Variants in ATAD1 observed in about 807,000 individuals in gnomAD.
The protein encoded by ATAD1 is outer mitochondrial transmembrane helix translocase.
A neutral mutation model predicts 42.7 loss-of-function variants in ATAD1; 18 were observed. The observed-to-expected ratio is 0.42, with a 90% confidence interval of 0.29 to 0.63. The LOEUF is 0.63. ATAD1 is among the 20% of genes least tolerant of loss of function. The probability of loss-of-function intolerance (pLI) is 0.19; values close to 1 mark genes in which losing one functional copy is unlikely to be tolerated. For synonymous variants in ATAD1, 132 were observed against 143.1 expected (o/e 0.92, Z 0.55); for missense variants, 294 against 440.4 (o/e 0.67, Z 2.98).
intron 2 of ATAD1, among the ~76,000 whole-genome samples, chr10:87,803,834 T>C (rs1431109870): frequency 6.6e-6 from 1 of 152,056 alleles, no homozygotes; most frequent in Non-Finnish European, 1.5e-5. Flanking sequence ...TAGAAAACAA[T>C]ACTGCAGAGT....
At chr10:87,813,091 A>T (rs1857258506) in intron 2 of ATAD1, among the ~76,000 whole-genome samples, 1 of 152,238 alleles carries the variant, frequency 6.6e-6, no homozygotes, top group East Asian at 1.9e-4. Context: ...TATACACATA[A>T]TTTTCAATGA....
At chr10:87,826,497 T>C (rs1219910299) in intron 1 of ATAD1, among the ~76,000 whole-genome samples, 1 of 152,234 alleles carries the variant, frequency 6.6e-6, no homozygotes, top group Non-Finnish European at 1.5e-5. Context: ...TCCCCAATCA[T>C]GTTTTCTTCT....
chr10:87,815,178 T>C (rs1589560844), intron 1 of ATAD1, among the ~76,000 whole-genome samples: 1 of 152,102 alleles, frequency 6.6e-6, no homozygotes. Flanking sequence ...TGAGCCACAC[T>C]ATTGTTCCCA....
At chr10:87,758,310 G>A (rs1270850306) in intron 8 of ATAD1, among the ~76,000 whole-genome samples, 1 of 152,078 alleles carries the variant, frequency 6.6e-6, no homozygotes. Context: ...AAGGAAGAAA[G>A]AGAATGTGTA....
chr10:87,816,678 AC>A (rs1041302466), intron 1 of ATAD1, among the ~76,000 whole-genome samples: 1 of 152,184 alleles, frequency 6.6e-6, no homozygotes, highest in South Asian at 2.1e-4. Context: ...TCCAAAAAAA[AC>A]GGGTTACACA....
chr10:87,777,408 A>G (rs1227583948), intron 5 of ATAD1, among the ~76,000 whole-genome samples: 1 of 152,212 alleles, frequency 6.6e-6, no homozygotes, highest in Admixed American at 6.5e-5. Flanking sequence ...TTTTATGGAA[A>G]TATACCAAAA....
chr10:87,756,532 T>G (rs985638493), intron 9 of ATAD1, among the ~76,000 whole-genome samples: 5 of 152,224 alleles, frequency 3.3e-5, no homozygotes, highest in Non-Finnish European at 7.3e-5. Flanking sequence ...CATTTACATG[T>G]GAAATTTCCA....
At chr10:87,807,896 G>GA (rs1469340000) in intron 2 of ATAD1, among the ~76,000 whole-genome samples, 4 of 151,988 alleles carry the variant, frequency 2.6e-5, no homozygotes, top group African/African-American at 7.2e-5. Flanking sequence ...TGAATTTCAG[G>GA]AAAAAATACA....
intron 5 of ATAD1, among the ~76,000 whole-genome samples, chr10:87,780,185 T>G (rs2131859804): frequency 6.6e-6 from 1 of 152,266 alleles, no homozygotes; most frequent in Middle Eastern, 3.4e-3. Context: ...AAATGCATAT[T>G]GCTAAGGGAA....
chr10:87,798,768 T>G (rs771144626), intron 2 of ATAD1, among the ~76,000 whole-genome samples: 9 of 152,132 alleles, frequency 5.9e-5, no homozygotes. Flanking sequence ...ATGGTGTAAA[T>G]TTGGCTATCT....
intron 1 of ATAD1, among the ~76,000 whole-genome samples, chr10:87,833,889 T>G (rs1013718053): frequency 2.6e-5 from 4 of 152,138 alleles, no homozygotes; most frequent in Non-Finnish European, 4.4e-5. Context: ...CACACCCGGC[T>G]AATTTTTGTA....
At position 87,792,754 on chromosome 10, in the gene ATAD1, G is replaced by T; in HGVS notation, c.164C>A (p.Ala55Glu). 1.2e-6 allele frequency: 2 copies of T among 1,611,966 alleles called. No individual in the cohort carries two copies. The highest frequency in any genetic ancestry group is 1.7e-5 in the Admixed American group (1 of 59,956). The change falls in exon 3 of 10, where the codon GCA (alanine) becomes GAA (glutamate). Residue 55 changes from alanine to glutamate, a missense_variant and splice_region_variant. Ala to Glu is a moderately radical substitution (Grantham distance 107, BLOSUM62 -1). Around this residue, in one of 3 missense-constraint regions of ATAD1, gnomAD observed 121 missense variants for 187.3 expected, o/e 0.65. Coordinates refer to ENST00000680024, the MANE Select transcript of ATAD1 (RefSeq NM_001321967.2). ...RKQKVEAQKQ[A>E]EKLMKQIGVK... ...TCCAATTTGCTTCATTAGTTTTTCT[G>T]CCTAGAATGAAAAGAACAAACAACC...
chr10:87,833,611 C>A (rs1432750987), intron 1 of ATAD1, among the ~76,000 whole-genome samples: 1 of 151,460 alleles, frequency 6.6e-6, no homozygotes, highest in Non-Finnish European at 1.5e-5. Context: ...TTGTACATGA[C>A]CTTTATGAGG....
At chr10:87,793,145 C>T (rs1301778745) in intron 2 of ATAD1, among the ~76,000 whole-genome samples, 1 of 152,068 alleles carries the variant, frequency 6.6e-6, no homozygotes, top group African/African-American at 2.4e-5. Flanking sequence ...TTAAGGAGGG[C>T]AAGAAATGTA....
chr10:87,822,555 C>T (rs1332826028), upstream of ATAD1, among the ~76,000 whole-genome samples: 2 of 152,126 alleles, frequency 1.3e-5, no homozygotes, highest in Admixed American at 6.5e-5. Context: ...TGCATGTTCT[C>T]ACTCATTTGT....
In ATAD1 at chr10:87,752,181, A is replaced by G. The variant is rs1439587997; in HGVS notation, c.*2506T>C. 1 of 124,568 alleles carries G rather than the reference A, an allele frequency of 8.0e-6. No homozygotes were observed. The highest frequency in any genetic ancestry group is 1.7e-5 in the Non-Finnish European group (1 of 60,538). The allele number at this position is 124,568 out of a possible 1,614,324, so 7.7% of individuals were successfully genotyped here. On this transcript the variant is annotated 3_prime_UTR_variant, in exon 10 of 10. Coordinates refer to ENST00000680024, the MANE Select transcript of ATAD1 (RefSeq NM_001321967.2). Reference sequence around the variant, plus strand: ...AAATTGATTCAAATACTTCATTTCTAAACTCTACAAAAAAGGCCTGAGAAT... The same window carrying G: ...AAATTGATTCAAATACTTCATTTCTGAACTCTACAAAAAAGGCCTGAGAAT...
intron 9 of ATAD1, 101 bp from the exon 10 acceptor site, chr10:87,754,908 A>T: frequency 7.0e-7 from 1 of 1,428,372 alleles, no homozygotes; most frequent in Non-Finnish European, 9.3e-7. Flanking sequence ...GGTAAAAAAA[A>T]AATTTTGTTT....
chr10:87,810,047 C>G (rs1295399871), intron 2 of ATAD1, among the ~76,000 whole-genome samples: 1 of 151,830 alleles, frequency 6.6e-6, no homozygotes, highest in Non-Finnish European at 1.5e-5. Flanking sequence ...GATTTTATGT[C>G]TTTTCAAAAA....
At chr10:87,820,982 A>G (rs1379192545), upstream of ATAD1, among the ~76,000 whole-genome samples, 2 of 152,196 alleles carry the variant, frequency 1.3e-5, no homozygotes, top group African/African-American at 4.8e-5. Context: ...AAATTAGAGC[A>G]GACTGTAGAC....
Sources: allele counts gnomAD v4.1 joint callset (sites outside exome capture counted in the v4.1 genomes callset), GRCh38; gene constraint gnomAD v4.1.1; regional missense constraint gnomAD v4.1.1; transcripts MANE v1.5; gene names NCBI Gene and HGNC (gene_info 2026-07-23, HGNC 2026-07-21).